The following MED27 variants were observed in gnomAD, a reference collection of about 807,000 sequenced individuals.
The protein encoded by MED27 is mediator complex subunit 27, also known as mediator of RNA polymerase II transcription subunit 27.
A neutral mutation model predicts 38.2 loss-of-function variants in MED27; 30 were observed. The observed-to-expected ratio is 0.79, with a 90% CI of 0.59 to 1.07. The LOEUF is 1.07. Ranked by LOEUF, MED27 falls within the 50% of genes least tolerant of loss-of-function variation. The pLI is 0.00. For missense variants in MED27, 289 were observed against 397.5 expected (o/e 0.73, Z 2.32); for synonymous variants, 122 against 153.5 (o/e 0.79, Z 1.52).
intron 3 of MED27, among the ~76,000 whole-genome samples, chr9:131,964,364 GA>G (rs367709049): frequency 7.3e-6 from 1 of 136,854 alleles, no homozygotes. Context: ...TGGTAGAGGT[GA>G]TGGTAGTAGT....
chr9:132,075,805 T>C (rs549933778), intron 2 of MED27, among the ~76,000 whole-genome samples: 6 of 152,200 alleles, frequency 3.9e-5, no homozygotes, highest in Non-Finnish European at 8.8e-5. Context: ...AACACCTATC[T>C]GTGTAGAGCT....
intron 5 of MED27, among the ~76,000 whole-genome samples, chr9:131,885,803 C>T (rs531160186): frequency 9.3e-4 from 142 of 152,272 alleles, no homozygotes; most frequent in African/African-American, 3.1e-3. Flanking sequence ...CTGACAGAGA[C>T]GGCTCAAGGG....
chr9:132,006,994 T>C (rs1440622724), intron 3 of MED27, among the ~76,000 whole-genome samples: 1 of 152,210 alleles, frequency 6.6e-6, no homozygotes, highest in Non-Finnish European at 1.5e-5. Context: ...TTCAAGTCAA[T>C]GATCTTCTTG....
intron 2 of MED27, among the ~76,000 whole-genome samples, chr9:132,074,413 C>T (rs1370726307): frequency 6.6e-6 from 1 of 152,186 alleles, no homozygotes; most frequent in Non-Finnish European, 1.5e-5. Context: ...AAGTTCATCT[C>T]ATAATGGATG....
chr9:132,057,851 G>A (rs1442052788), intron 2 of MED27, among the ~76,000 whole-genome samples: 1 of 152,230 alleles, frequency 6.6e-6, no homozygotes, highest in Admixed American at 6.5e-5. Context: ...CGCCCAGTGA[G>A]TGGAGCCCGG....
chr9:131,957,452 C>G (rs1831128255), intron 3 of MED27, among the ~76,000 whole-genome samples: 1 of 152,072 alleles, frequency 6.6e-6, no homozygotes, highest in African/African-American at 2.4e-5. Context: ...GGTAAGGTCT[C>G]TCTATGTTGC....
At chr9:131,865,119 C>T (rs545633410) in intron 6 of MED27, among the ~76,000 whole-genome samples, 2 of 152,326 alleles carry the variant, frequency 1.3e-5, no homozygotes, top group Admixed American at 6.5e-5. Context: ...ACCATAAACA[C>T]CTGCGCTTTC....
intron 2 of MED27, among the ~76,000 whole-genome samples, chr9:132,061,175 A>G (rs1424085978): frequency 6.6e-6 from 1 of 152,200 alleles, no homozygotes; most frequent in African/African-American, 2.4e-5. Context: ...TGATGGATGG[A>G]TGCTGAACCT....
At chr9:131,942,214 A>G (rs908261456) in intron 3 of MED27, among the ~76,000 whole-genome samples, 16 of 152,174 alleles carry the variant, frequency 1.1e-4, no homozygotes, top group African/African-American at 3.9e-4. Context: ...GGTTCCCTCT[A>G]GATTTACAGC....
At chr9:132,053,129 TGTA>T (rs1370841771) in intron 2 of MED27, among the ~76,000 whole-genome samples, 1 of 152,058 alleles carries the variant, frequency 6.6e-6, no homozygotes, top group Admixed American at 6.5e-5. Context: ...TGCAGGCACC[TGTA>T]GTCCCAGCTA....
chr9:132,045,479 T>C (rs1019500021), intron 2 of MED27, among the ~76,000 whole-genome samples: 4 of 150,056 alleles, frequency 2.7e-5, no homozygotes, highest in African/African-American at 9.8e-5. Context: ...ACATGCATAA[T>C]AAAAGGTTCT....
At position 131,949,889 on chromosome 9, in the gene MED27, T is replaced by C. The variant is rs186959148; in HGVS notation, c.480-10415A>G. Among the ~76,000 whole-genome samples the C allele has an allele frequency of 5.3e-5, 8 of 152,292 alleles. No individual in the cohort carries two copies. In the South Asian group the frequency reaches 1.5e-3, roughly 28 times the overall value. ...TTTTGATTTTGTGACTCTCAATTAATGTGCAAAGTTGGCAGGAAACAGGGA... is the reference window on the plus strand; with the variant it reads ...TTTTGATTTTGTGACTCTCAATTAACGTGCAAAGTTGGCAGGAAACAGGGA... On this transcript the variant is annotated intron_variant, in intron 3 of 7. Coordinates refer to ENST00000292035, the MANE Select transcript of MED27 (RefSeq NM_004269.4).
At chr9:131,996,709 T>C (rs976322373) in intron 3 of MED27, among the ~76,000 whole-genome samples, 1 of 152,184 alleles carries the variant, frequency 6.6e-6, no homozygotes, top group African/African-American at 2.4e-5. Context: ...CACTTAAATA[T>C]TGAGATTTTC....
At chr9:132,047,879 T>G (rs1215298628) in intron 2 of MED27, among the ~76,000 whole-genome samples, 1 of 152,066 alleles carries the variant, frequency 6.6e-6, no homozygotes, top group African/African-American at 2.4e-5. Context: ...ACGAAAACAT[T>G]TACCTAGAAA....
At chr9:132,040,533 T>C (rs1479946363) in intron 2 of MED27, among the ~76,000 whole-genome samples, 1 of 152,190 alleles carries the variant, frequency 6.6e-6, no homozygotes, top group Non-Finnish European at 1.5e-5. Flanking sequence ...TTTAGATCTA[T>C]ACATTGGGCA....
chr9:132,066,350 G>A (rs893462312), intron 2 of MED27, among the ~76,000 whole-genome samples: 1 of 152,270 alleles, frequency 6.6e-6, no homozygotes, highest in African/African-American at 2.4e-5. Context: ...GCTCCTTGCA[G>A]CTGACCCAGG....
chr9:131,999,985 G>A (rs1396383617), intron 3 of MED27, among the ~76,000 whole-genome samples: 1 of 151,944 alleles, frequency 6.6e-6, no homozygotes, highest in African/African-American at 2.4e-5. Flanking sequence ...CAATCAATCA[G>A]TACAAAATCA....
chr9:132,071,044 C>T (rs757781369), intron 2 of MED27, among the ~76,000 whole-genome samples: 5 of 152,152 alleles, frequency 3.3e-5, no homozygotes, highest in Admixed American at 6.5e-5. Context: ...TCCTCAGCAT[C>T]GTCTTAAGAC....
chr9:131,932,967 C>T (rs1830616515), intron 4 of MED27, among the ~76,000 whole-genome samples: 1 of 152,146 alleles, frequency 6.6e-6, no homozygotes, highest in Non-Finnish European at 1.5e-5. Context: ...TCAACATACA[C>T]AAATCAATTA....
Sources: gnomAD v4.1 joint callset for allele counts (sites outside exome capture counted in the v4.1 genomes callset) on GRCh38, gnomAD v4.1.1 for gene constraint, MANE v1.5 for transcripts, NCBI Gene and HGNC (gene_info 2026-07-23, HGNC 2026-07-21) for gene names.